Variants in IGF1R observed in about 807,000 individuals in gnomAD.
IGF1R encodes insulin-like growth factor 1 receptor.
A neutral mutation model predicts 144.6 loss-of-function variants in IGF1R; 44 were observed. The ratio of observed to expected loss-of-function variants is 0.30; its 90% CI spans 0.24 to 0.39. IGF1R has a LOEUF of 0.39. Among genes scored for constraint, IGF1R ranks in the 10% least tolerant of loss-of-function variants. IGF1R has a pLI of 1.00. For missense variants in IGF1R, 1,355 were observed against 1,833.7 expected (o/e 0.74, Z 4.77); for synonymous variants, 795 against 722.8 (o/e 1.10, Z -1.60).
intron 2 of IGF1R, among the ~76,000 whole-genome samples, chr15:98,792,317 A>T (rs531720575): frequency 2.0e-5 from 3 of 152,332 alleles, no homozygotes; most frequent in African/African-American, 7.2e-5. Flanking sequence ...CCAAATACAT[A>T]ACCATTATTA....
chr15:98,896,612 A>T, intron 3 of IGF1R, 145 bp from the exon 4 acceptor site: 1 of 807,622 alleles, frequency 1.2e-6, no homozygotes, highest in Non-Finnish European at 2.0e-6. Flanking sequence ...GTGAGATACC[A>T]TGTGACCACA....
chr15:98,792,277 A>C (rs1261944348), intron 2 of IGF1R, among the ~76,000 whole-genome samples: 2 of 152,180 alleles, frequency 1.3e-5, no homozygotes, highest in African/African-American at 4.8e-5. Flanking sequence ...GTAGCTATTT[A>C]TCTCAGCAAG....
chr15:98,919,083 A>G (rs1356997792), intron 10 of IGF1R, among the ~76,000 whole-genome samples: 1 of 152,194 alleles, frequency 6.6e-6, no homozygotes, highest in East Asian at 1.9e-4. Flanking sequence ...AAGTTTGAGG[A>G]CTAGAAAGAT....
intron 1 of IGF1R, among the ~76,000 whole-genome samples, chr15:98,674,754 AAGG>A (rs1411025559): frequency 6.6e-6 from 1 of 152,084 alleles, no homozygotes; most frequent in African/African-American, 2.4e-5. Flanking sequence ...CCTTAATCTC[AAGG>A]TAACCATTGT....
In IGF1R at chr15:98,706,827, G is replaced by GTT. The variant is rs11418145; in HGVS notation, c.95-724_95-723dup. On this transcript the variant is annotated intron_variant, in intron 1 of 20. Coordinates refer to ENST00000650285, the MANE Select transcript of IGF1R (RefSeq NM_000875.5). ...TTGAGATCGTTGATGATTTTTACTG[G>GTT]TTTTTTTTTTTTGGTTATTACCTCT... 6.9e-3 allele frequency among the ~76,000 whole-genome samples: 1,024 copies of GTT among 147,340 alleles called. 5 individuals carry two copies. Among genetic ancestry groups the GTT allele is most frequent in the South Asian group, 0.016 (75 of 4,678 alleles).
intron 2 of IGF1R, among the ~76,000 whole-genome samples, chr15:98,760,628 C>G (rs746625705): frequency 1.2e-4 from 18 of 152,134 alleles, no homozygotes; most frequent in Non-Finnish European, 1.9e-4. Flanking sequence ...CATGTTGGCT[C>G]TTGCAACGGG....
At position 98,648,775 on chromosome 15, in the gene IGF1R, G is replaced by C. The variant is rs1567055058; in HGVS notation, c.-807G>C. On this transcript the variant is annotated 5_prime_UTR_variant, in exon 1 of 21. Coordinates refer to ENST00000650285, the MANE Select transcript of IGF1R (RefSeq NM_000875.5). Reference sequence around the variant, plus strand: ...CCCGCGCCCTCCACGCCCCTCCCGCGCGGGGGCAGCTCCACGGCGCGCCTC... The same window carrying C: ...CCCGCGCCCTCCACGCCCCTCCCGCCCGGGGGCAGCTCCACGGCGCGCCTC... Among the ~76,000 whole-genome samples, 1 of 146,438 alleles carries C rather than the reference G, an allele frequency of 6.8e-6. No homozygotes were observed. Among genetic ancestry groups the C allele is most frequent in the African/African-American group, 2.5e-5 (1 of 40,584 alleles).
intron 8 of IGF1R, among the ~76,000 whole-genome samples, chr15:98,915,017 C>T (rs1319707189): frequency 6.6e-6 from 1 of 152,184 alleles, no homozygotes; most frequent in African/African-American, 2.4e-5. Context: ...ACCTGGAGCA[C>T]CCTCAAGCTG....
intron 2 of IGF1R, among the ~76,000 whole-genome samples, chr15:98,878,693 A>AAAACAAC (rs1567174382): frequency 3.2e-5 from 4 of 126,114 alleles, no homozygotes; most frequent in South Asian, 2.3e-4. Context: ...AAAAAAAAAA[A>AAAACAAC]AACAACAACA....
rs1308531082 is a variant in IGF1R at position 98,957,400 on chromosome 15, G to C, written c.4062G>C (p.Lys1354Asn). 1 of 1,613,172 alleles carries C rather than the reference G, an allele frequency of 6.2e-7. No homozygotes were observed. Among genetic ancestry groups the C allele is most frequent in the Non-Finnish European group, 8.5e-7 (1 of 1,180,054 alleles). ...ACGCCCACATGAACGGGGGCCGCAA[G>C]AACGAGCGGGCCTTGCCGCTGCCCC... ...QPYAHMNGGR[K>N]NERALPLPQS... The change falls in exon 21 of 21, where the codon AAG (lysine) becomes AAC (asparagine). Residue 1354 changes from lysine (K) to asparagine (N), a missense_variant. Lys to Asn is a moderately conservative substitution (Grantham distance 94, BLOSUM62 0). Transcript: ENST00000650285.
chr15:98,959,798 G>A lies in IGF1R; in HGVS notation c.*2356G>A, dbSNP rs558625650. 3.0e-5 allele frequency: 7 copies of A among 232,320 alleles called. No individual in the cohort carries two copies. Among genetic ancestry groups the A allele is most frequent in the African/African-American group, 8.9e-5 (4 of 45,114 alleles). The allele number at this position is 232,320 out of a possible 1,614,324, so 14.4% of individuals were successfully genotyped here. Reference sequence around the variant, plus strand: ...AGAAAGTTTATACGGCTTTTTTGCTGGTCAGCAGTTTGTCCCACTGCTTTC... The same window carrying A: ...AGAAAGTTTATACGGCTTTTTTGCTAGTCAGCAGTTTGTCCCACTGCTTTC... On this transcript the variant is annotated 3_prime_UTR_variant, in exon 21 of 21. Transcript: ENST00000650285.
At chr15:98,658,894 C>T (rs1444728550) in intron 1 of IGF1R, among the ~76,000 whole-genome samples, 1 of 152,198 alleles carries the variant, frequency 6.6e-6, no homozygotes, top group Non-Finnish European at 1.5e-5. Context: ...ATAATTTAAT[C>T]TTCTTGTGCC....
chr15:98,821,612 C>G (rs921042756), intron 2 of IGF1R, among the ~76,000 whole-genome samples: 1 of 152,206 alleles, frequency 6.6e-6, no homozygotes, highest in African/African-American at 2.4e-5. Context: ...TCCAGTATGA[C>G]TGCTCTTCCA....
intron 2 of IGF1R, among the ~76,000 whole-genome samples, chr15:98,811,204 G>A (rs2056582183): frequency 6.6e-6 from 1 of 152,056 alleles, no homozygotes; most frequent in African/African-American, 2.4e-5. Context: ...GAGAGGCTGA[G>A]GCAGGAGAAT....
chr15:98,855,103 C>T (rs1454026456), intron 2 of IGF1R, among the ~76,000 whole-genome samples: 1 of 152,220 alleles, frequency 6.6e-6, no homozygotes, highest in Non-Finnish European at 1.5e-5. Flanking sequence ...TTGCCTTCCG[C>T]GCTAATGGGA....
intron 2 of IGF1R, among the ~76,000 whole-genome samples, chr15:98,810,191 A>C (rs2056556265): frequency 6.6e-6 from 1 of 151,884 alleles, no homozygotes; most frequent in Admixed American, 6.6e-5. Context: ...ATCTCTGAGA[A>C]ACTTGACTGG....
intron 2 of IGF1R, among the ~76,000 whole-genome samples, chr15:98,742,624 A>G: frequency 6.6e-6 from 1 of 152,240 alleles, no homozygotes; most frequent in African/African-American, 2.4e-5. Context: ...TTGTTAGCAT[A>G]CAATTTGCTG....
intron 17 of IGF1R, among the ~76,000 whole-genome samples, chr15:98,938,204 A>G (rs2016231005): frequency 6.6e-6 from 1 of 152,274 alleles, no homozygotes; most frequent in South Asian, 2.1e-4. Context: ...CGTCAGTGAA[A>G]CCACTGTGAT....
chr15:98,941,019 A>G (rs2016345570), intron 18 of IGF1R, among the ~76,000 whole-genome samples: 1 of 152,184 alleles, frequency 6.6e-6, no homozygotes, highest in Non-Finnish European at 1.5e-5. Flanking sequence ...CCCTCTCTGT[A>G]GAACTCACAT....
Sources: allele counts gnomAD v4.1 joint callset (sites outside exome capture counted in the v4.1 genomes callset), GRCh38; gene constraint gnomAD v4.1.1; transcripts MANE v1.5; gene names NCBI Gene and HGNC (gene_info 2026-07-23, HGNC 2026-07-21).